CNDP2: variants seen among roughly 807,000 people sequenced by gnomAD.
The protein encoded by CNDP2 is cytosolic non-specific dipeptidase.
CNDP2 carries 38 observed loss-of-function variants against 55.0 expected under a neutral mutation model. The ratio of observed to expected loss-of-function variants is 0.69; its 90% confidence interval spans 0.53 to 0.90. The LOEUF (loss-of-function observed/expected upper bound fraction) is 0.90. Among genes scored for constraint, CNDP2 ranks in the 40% least tolerant of loss-of-function variants. The pLI is 0.00. For synonymous variants in CNDP2, 241 were observed against 260.2 expected (o/e 0.93, Z 0.71); for missense variants, 607 against 621.7 (o/e 0.98, Z 0.25).
Position 74,499,840 on chromosome 18 carries a change from G to A in CNDP2, c.-92-42G>A, listed in dbSNP as rs1004376459. The stretch of plus-strand genomic sequence containing the variant: ...GTGTTGCAGTGCTGGCTGGGAGGGT[G>A]GGGCAACAATTTACAATTCTGAACA... On this transcript the variant is annotated intron_variant, in intron 1 of 11. Transcript: ENST00000324262. 3 of 674,236 alleles carry A rather than the reference G, an allele frequency of 4.4e-6. No homozygotes were observed. In the African/African-American group the frequency reaches 5.5e-5, roughly 12 times the overall value. 41.8% of individuals were successfully genotyped at this position (674,236 alleles called of 1,614,324 possible).
chr18:74,503,191 TAAG>T (rs1978812038), intron 3 of CNDP2, among the ~76,000 whole-genome samples: 1 of 152,170 alleles, frequency 6.6e-6, no homozygotes, highest in Non-Finnish European at 1.5e-5. Flanking sequence ...GTGCAATTCT[TAAG>T]AAAGGGCCTT....
intron 1 of CNDP2, chr18:74,498,047 T>C (rs1425189626): frequency 1.3e-5 from 2 of 152,156 alleles, no homozygotes; most frequent in Non-Finnish European, 2.9e-5. Context: ...GGATGAGTGA[T>C]TAACAGGAGT....
At chr18:74,515,163 C>T (rs942047363) in intron 8 of CNDP2, among the ~76,000 whole-genome samples, 5 of 152,158 alleles carry the variant, frequency 3.3e-5, no homozygotes, top group Non-Finnish European at 5.9e-5. Context: ...TGTGGAGCTC[C>T]GGGTCTTCCA....
At chr18:74,511,257 T>C in intron 6 of CNDP2, 1 of 531,870 alleles carries the variant, frequency 1.9e-6, no homozygotes, top group South Asian at 2.7e-5. Flanking sequence ...ATTTGTAATG[T>C]TGCTTTGGAG....
At chr18:74,515,455 G>A (rs566141330) in intron 8 of CNDP2, among the ~76,000 whole-genome samples, 5 of 152,198 alleles carry the variant, frequency 3.3e-5, no homozygotes, top group East Asian at 1.9e-4. Flanking sequence ...CCTCAGGCTC[G>A]TGTTTGCTTC....
intron 8 of CNDP2, among the ~76,000 whole-genome samples, chr18:74,514,517 C>T (rs12966558): frequency 8.5e-4 from 39 of 45,632 alleles, no homozygotes; most frequent in Non-Finnish European, 1.2e-3. Context: ...TTACGTGGTA[C>T]GTATGTAAGT....
intron 3 of CNDP2, among the ~76,000 whole-genome samples, chr18:74,503,586 A>G (rs892046118): frequency 6.6e-6 from 1 of 152,248 alleles, no homozygotes; most frequent in Non-Finnish European, 1.5e-5. Flanking sequence ...ATGTAGAGAA[A>G]ATCTGTGGTC....
At chr18:74,515,107 G>A (rs949707757) in intron 8 of CNDP2, among the ~76,000 whole-genome samples, 2 of 152,196 alleles carry the variant, frequency 1.3e-5, no homozygotes, top group Non-Finnish European at 2.9e-5. Flanking sequence ...GCAGGGTGAG[G>A]CCTGGGACTG....
chr18:74,519,179 G>A, intron 11 of CNDP2, 83 bp downstream of exon 11: 1 of 1,486,320 alleles, frequency 6.7e-7, no homozygotes, highest in Non-Finnish European at 9.0e-7. Context: ...GTGTGCAGCT[G>A]CCAAGAGAAG....
In CNDP2 at chr18:74,518,612, C is replaced by T. The variant is rs143480659; in HGVS notation, c.1182C>T (p.Tyr394=). 9.2e-5 allele frequency: 149 copies of T among 1,614,236 alleles called. No individual in the cohort carries two copies. Among genetic ancestry groups the T allele is most frequent in the Middle Eastern group, 3.3e-4 (2 of 6,046 alleles). Residue 394 remains tyrosine (Y), a synonymous_variant, in exon 10 of 12, where the codon TAC becomes TAT. Coordinates refer to ENST00000324262, the MANE Select transcript of CNDP2 (RefSeq NM_018235.3). The part of the protein sequence containing the change: ...PWVSDFSHPH[Y]LAGRRAMKTV... ...TCTCCGACTTCAGTCACCCTCATTA[C>T]CTGGCTGGGAGAAGAGCCATGAAGA...
chr18:74,503,923 C>T (rs1484472362), intron 3 of CNDP2, among the ~76,000 whole-genome samples: 1 of 149,538 alleles, frequency 6.7e-6, no homozygotes, highest in Non-Finnish European at 1.5e-5. Flanking sequence ...GCCACACTGC[C>T]GCTGGGACAA....
chr18:74,519,217 G>T, intron 11 of CNDP2, 121 bp downstream of exon 11: 1 of 1,278,016 alleles, frequency 7.8e-7, no homozygotes. Context: ...CCCGTGACCT[G>T]CCCTCCTGTA....
intron 11 of CNDP2, among the ~76,000 whole-genome samples, chr18:74,519,595 C>T (rs1292863022): frequency 1.3e-5 from 2 of 152,196 alleles, no homozygotes; most frequent in African/African-American, 4.8e-5. Flanking sequence ...GGCAAGAATG[C>T]ATCCTGGGGT....
rs1979321843 is a variant in CNDP2 at position 74,511,006 on chromosome 18, T to C, written c.650T>C (p.Phe217Ser). 3 of 1,613,928 alleles carry C rather than the reference T, an allele frequency of 1.9e-6. No homozygotes were observed. The African/African-American group carries it at 4.0e-5, about 22-fold the overall frequency. Reference sequence around the variant, plus strand: ...GGCCTCAGGGGCATTTGCTACTTTTTCATCGAGGTACAGTGCCAAGCTGTA... The same window carrying C: ...GGCCTCAGGGGCATTTGCTACTTTTCCATCGAGGTACAGTGCCAAGCTGTA... ...TYGLRGICYF[F>S]IEVECSNKDL... Residue 217 changes from phenylalanine (F) to serine (S), a missense_variant, in exon 6 of 12, where the codon TTC (phenylalanine) becomes TCC (serine). Phe to Ser is a radical substitution (Grantham distance 155, BLOSUM62 -2). Transcript: ENST00000324262.
At chr18:74,515,862 C>T (rs1979634021) in intron 8 of CNDP2, among the ~76,000 whole-genome samples, 1 of 152,206 alleles carries the variant, frequency 6.6e-6, no homozygotes, top group Non-Finnish European at 1.5e-5. Flanking sequence ...CCTCTTACTC[C>T]TGGTGCCTCT....
At chr18:74,512,634 T>G (rs1042274968) in intron 7 of CNDP2, 102 bp downstream of exon 7, 1 of 939,418 alleles carries the variant, frequency 1.1e-6, no homozygotes, top group African/African-American at 1.6e-5. Context: ...GCATTCCACA[T>G]GAACCAACTT....
chr18:74,519,073 C>T lies in CNDP2; in HGVS notation c.1335C>T (p.His445=), dbSNP rs1265041753. The T allele has an allele frequency of 1.9e-6, 3 of 1,610,410 alleles. No individual in the cohort carries two copies. The highest frequency in any genetic ancestry group is 2.5e-6 in the Non-Finnish European group (3 of 1,177,038). ...LPVGSADDGA[H]SQNEKLNRYN... is the part of the protein sequence containing the mutation. ...TGGGGTCAGCGGATGACGGAGCCCA[C>T]TCCCAGAATGAAAAGCTCAACAGGT... The change falls in exon 11 of 12, where the codon CAC becomes CAT. Residue 445 remains histidine, a synonymous_variant. Transcript: ENST00000324262.
intron 9 of CNDP2, chr18:74,517,468 G>A (rs996540312): frequency 1.3e-5 from 2 of 152,142 alleles, no homozygotes; most frequent in African/African-American, 4.8e-5. Flanking sequence ...ACTGAGCCTC[G>A]GTGTAAGAGC....
intron 5 of CNDP2, chr18:74,509,397 G>A (rs1979214924): frequency 6.5e-6 from 1 of 154,526 alleles, no homozygotes; most frequent in Admixed American, 6.4e-5. Context: ...TACTTTGGGA[G>A]GCTGAGGTGG....
Sources: allele counts gnomAD v4.1 joint callset (sites outside exome capture counted in the v4.1 genomes callset), GRCh38; gene constraint gnomAD v4.1.1; transcripts MANE v1.5; gene names NCBI Gene and HGNC (gene_info 2026-07-23, HGNC 2026-07-21).